Variants in GYG2 observed in about 807,000 individuals in gnomAD.
GYG2 encodes glycogenin 2.
A neutral mutation model predicts 29.4 loss-of-function variants in GYG2; 29 were observed. The ratio of observed to expected loss-of-function variants is 0.99; its 90% confidence interval spans 0.74 to 1.35. The LOEUF (loss-of-function observed/expected upper bound fraction) is 1.35. GYG2 is among the 40% of genes most tolerant of loss of function. The probability of loss-of-function intolerance (pLI) is 0.00; values close to 1 mark genes in which losing one functional copy is unlikely to be tolerated. For missense variants in GYG2, 370 were observed against 385.7 expected (o/e 0.96, Z 0.34); for synonymous variants, 167 against 172.3 (o/e 0.97, Z 0.24).
chrX:2,879,248 C>A (rs1045518910), intron 10 of GYG2, among the ~76,000 whole-genome samples: 2 of 108,089 alleles, frequency 1.9e-5, no homozygotes, highest in Non-Finnish European at 3.8e-5. Context: ...ATGTATCTAT[C>A]TATCTACCTC....
chrX:2,852,621 A>G (rs1268395446), intron 3 of GYG2: 2 of 112,230 alleles, frequency 1.8e-5, no homozygotes, highest in African/African-American at 6.5e-5. Context: ...TGTTATGGAC[A>G]TCTGTTAGTT....
chrX:2,877,302 C>G lies in GYG2; in HGVS notation c.1246C>G (p.Leu416Val). Residue 416 changes from leucine (L) to valine (V), a missense_variant, in exon 10 of 11, where the codon CTG becomes GTG. Physicochemically the swap from Leu to Val is conservative, Grantham distance 32. Coordinates refer to ENST00000398806, the MANE Select transcript of GYG2 (RefSeq NM_001079855.2). ...CAGGGACCCCAGTCTGCAGGATGCA[C>G]TGGAGGTGGTATCCAAATTCTTCCC... ...ALRDPSLQDA[L>V]EVDLAVSVSQ... 8.3e-7 allele frequency: 1 copy of G among 1,209,449 alleles called. No individual in the cohort carries two copies. The highest frequency in any genetic ancestry group is 1.1e-6 in the Non-Finnish European group (1 of 893,746).
intron 6 of GYG2, among the ~76,000 whole-genome samples, chrX:2,857,366 A>T (rs1416217436): frequency 9.2e-6 from 1 of 108,386 alleles, no homozygotes; most frequent in East Asian, 3.0e-4. Context: ...ATATCTATGT[A>T]TCTAGATATC....
intron 6 of GYG2, among the ~76,000 whole-genome samples, chrX:2,857,253 CTATT>C (rs1277362161): frequency 1.0e-5 from 1 of 100,169 alleles, no homozygotes; most frequent in African/African-American, 3.8e-5. Context: ...TCATATGTAT[CTATT>C]CAGATAGATC....
chrX:2,830,930 A>T (rs183003688), intron 2 of GYG2, among the ~76,000 whole-genome samples: 147 of 111,975 alleles, frequency 1.3e-3, no homozygotes, highest in African/African-American at 3.3e-3. Flanking sequence ...CTAAAAAACA[A>T]CAACAAAATA....
chrX:2,881,020 A>G (rs2088708210), intron 10 of GYG2, 32 bp from the exon 11 acceptor site: 14 of 1,199,926 alleles, frequency 1.2e-5, no homozygotes, highest in Non-Finnish European at 1.6e-5. Context: ...GGACAGCTGC[A>G]AAAACCATCT....
Position 2,843,278 on chromosome X carries a change from G to A in GYG2, c.73G>A (p.Gly25Arg). 1 of 1,193,139 alleles carries A rather than the reference G, an allele frequency of 8.4e-7. No homozygotes were observed. The highest frequency in any genetic ancestry group is 1.1e-6 in the Non-Finnish European group (1 of 878,910). ...DIYCQGALVL[G>R]QSLRRHRLTR... ...CTACTGCCAGGGCGCCCTGGTCCTG[G>A]GGCAGTCACTGAGGAGACACAGGCT... Residue 25 changes from glycine (G) to arginine (R), a missense_variant, in exon 3 of 11, where the codon GGG (glycine) becomes AGG (arginine). Transcript: ENST00000398806.
At position 2,876,032 on chromosome X, in the gene GYG2, C is replaced by CTT. The variant is rs1569075859; in HGVS notation, c.1143+118_1143+119insTT. 4.1e-4 allele frequency: 100 copies of CTT among 241,082 alleles called. 2 individuals are homozygous for CTT. In the African/African-American group the frequency reaches 4.4e-3, roughly 11 times the overall value. 19.9% of individuals were successfully genotyped at this position (241,082 alleles called of 1,213,427 possible). A position where few individuals can be genotyped will look rare whatever the true frequency, so the allele number is the denominator to read the frequency against. On this transcript the variant is annotated intron_variant, in intron 9 of 10. Transcript: ENST00000398806. The stretch of plus-strand genomic sequence containing the variant: ...CGCCATAGGCTTTTAAAAATTCCTC[C>CTT]CTTTTTTTTTTTTTTTTTTTTTTTT...
At chrX:2,832,307 G>A (rs1603458470) in intron 2 of GYG2, among the ~76,000 whole-genome samples, 2 of 112,153 alleles carry the variant, frequency 1.8e-5, no homozygotes, top group African/African-American at 6.5e-5. Context: ...GCCAACTGGT[G>A]TTGTCTTGTC....
chrX:2,867,419 T>A (rs1312325961), intron 8 of GYG2, among the ~76,000 whole-genome samples: 2 of 111,440 alleles, frequency 1.8e-5, no homozygotes, highest in Non-Finnish European at 1.9e-5. Context: ...AGATGGAATT[T>A]GATCTGAAGG....
At chrX:2,860,134 C>T (rs1186572607) in intron 7 of GYG2, 69 bp downstream of exon 7, 9 of 699,413 alleles carry the variant, frequency 1.3e-5, no homozygotes, top group East Asian at 3.7e-5. Context: ...CAAGGTCTGG[C>T]GTGGTTTTTT....
intron 8 of GYG2, 25 bp downstream of exon 8, chrX:2,861,747 T>C (rs1359688943): frequency 9.2e-7 from 1 of 1,086,533 alleles, no homozygotes; most frequent in Admixed American, 2.5e-5. Flanking sequence ...TCCTCACAGG[T>C]GTGATAGTCA....
rs1349924300 is a variant in GYG2, at chrX:2,874,986, G to A, written c.1039-824G>A. Among the ~76,000 whole-genome samples the A allele has an allele frequency of 2.7e-5, 3 of 112,373 alleles. No individual in the cohort carries two copies. In the East Asian group the frequency reaches 8.4e-4, roughly 32 times the overall value. Reference sequence around the variant, plus strand: ...TATCTCTGTTGCTCACACTCATTAAGCTAACTGCTTTGTGACCTGACCTGA... The same window carrying A: ...TATCTCTGTTGCTCACACTCATTAAACTAACTGCTTTGTGACCTGACCTGA... On this transcript the variant is annotated intron_variant, in intron 8 of 10. Coordinates refer to ENST00000398806, the MANE Select transcript of GYG2 (RefSeq NM_001079855.2).
chrX:2,875,917 A>T lies in GYG2; in HGVS notation c.1143+3A>T, dbSNP rs560380711. The T allele has an allele frequency of 4.8e-6, 5 of 1,037,808 alleles. No homozygotes were observed. The South Asian group carries it at 9.5e-5, about 20-fold the overall frequency. The allele number at this position is 1,037,808 out of a possible 1,213,427, so 85.5% of individuals were successfully genotyped here. ...TCACAGAGACTGAAACCATCTTGGT[A>T]TTCCTCATCTATATGACCTACACAT... On this transcript the variant is annotated splice_donor_region_variant and intron_variant, in intron 9 of 10. Transcript: ENST00000398806.
At chrX:2,874,891 G>A (rs113646256) in intron 8 of GYG2, among the ~76,000 whole-genome samples, 3,715 of 111,513 alleles carry the variant, frequency 0.033, 148 homozygotes, top group African/African-American at 0.11. Flanking sequence ...AGGGGCTCAT[G>A]TTGAGGCTCA....
chrX:2,848,979 A>T (rs5982595), intron 3 of GYG2, among the ~76,000 whole-genome samples: 15,575 of 110,274 alleles, frequency 0.14, 869 homozygotes, highest in East Asian at 0.23. Flanking sequence ...GTGAGCAATG[A>T]CCGTAAATGA....
chrX:2,849,946 C>G (rs1356691931), intron 3 of GYG2, among the ~76,000 whole-genome samples: 1 of 110,324 alleles, frequency 9.1e-6, no homozygotes, highest in Non-Finnish European at 1.9e-5. Context: ...GGGGTCTCAT[C>G]TCTACTAAAA....
intron 10 of GYG2, among the ~76,000 whole-genome samples, chrX:2,879,489 A>G (rs1412773784): frequency 9.0e-6 from 1 of 111,323 alleles, no homozygotes; most frequent in Non-Finnish European, 1.9e-5. Context: ...GCTGGTCTCG[A>G]ACTCCCGACC....
chrX:2,859,018 G>A (rs2088090261), intron 6 of GYG2, among the ~76,000 whole-genome samples: 2 of 110,863 alleles, frequency 1.8e-5, no homozygotes, highest in African/African-American at 6.6e-5. Flanking sequence ...TCCCGTTTTG[G>A]GAAAAAATGT....
Sources: allele counts gnomAD v4.1 joint callset (sites outside exome capture counted in the v4.1 genomes callset), GRCh38; gene constraint gnomAD v4.1.1; transcripts MANE v1.5; gene names NCBI Gene and HGNC (gene_info 2026-07-23, HGNC 2026-07-21).